The following FGF12 variants were observed in gnomAD, a reference collection of about 807,000 sequenced individuals.
The protein encoded by FGF12 is fibroblast growth factor 12.
FGF12 carries 14 observed loss-of-function variants against 23.6 expected under a neutral mutation model. The observed-to-expected ratio is 0.59, with a 90% confidence interval of 0.39 to 0.93. The LOEUF (loss-of-function observed/expected upper bound fraction) is 0.93. Ranked by LOEUF, FGF12 falls within the 40% of genes least tolerant of loss-of-function variation. FGF12 has a pLI of 0.00. For missense variants in FGF12, 175 were observed against 217.8 expected (o/e 0.80, Z 1.24); for synonymous variants, 62 against 77.3 (o/e 0.80, Z 1.04).
At chr3:192,305,355 T>C (rs1715564899) in intron 4 of FGF12, among the ~76,000 whole-genome samples, 1 of 152,140 alleles carries the variant, frequency 6.6e-6, no homozygotes, top group South Asian at 2.1e-4. Context: ...AAACAAATTT[T>C]TAAACAGAGA....
chr3:192,698,528 T>C (rs1360504879), intron 2 of FGF12, among the ~76,000 whole-genome samples: 1 of 152,112 alleles, frequency 6.6e-6, no homozygotes, highest in Non-Finnish European at 1.5e-5. Context: ...AAATATTTAC[T>C]GAGTGTTAAT....
At chr3:192,507,775 G>C (rs1577026022) in intron 2 of FGF12, among the ~76,000 whole-genome samples, 3 of 152,272 alleles carry the variant, frequency 2.0e-5, no homozygotes, top group Non-Finnish European at 2.9e-5. Context: ...TTAGGAACTG[G>C]AACTACAGGC....
At chr3:192,388,939 C>A (rs550098669) in intron 2 of FGF12, among the ~76,000 whole-genome samples, 1 of 151,804 alleles carries the variant, frequency 6.6e-6, no homozygotes, top group African/African-American at 2.4e-5. Flanking sequence ...GATACTGATG[C>A]CTGTGATACC....
In FGF12 at chr3:192,408,947, G is replaced by A. The variant is rs938783346; in HGVS notation, c.14-48409C>T. On this transcript the variant is annotated intron_variant, in intron 2 of 5. Coordinates refer to ENST00000445105, the MANE Select transcript of FGF12 (RefSeq NM_004113.6). The surrounding 1 kb of genome is among the most constrained non-coding windows in gnomAD (Gnocchi z 7.3). ...CCGGCCACCCGAGTTCTGGAATTCC[G>A]AGAGGCGCGAAGTGGGAGCGGTTAC... The A allele has an allele frequency of 2.3e-5, 23 of 985,174 alleles. No individual in the cohort carries two copies. Among genetic ancestry groups the A allele is most frequent in the Non-Finnish European group, 2.7e-5 (22 of 829,980 alleles). The allele number at this position is 985,174 out of a possible 1,614,324, so 61.0% of individuals were successfully genotyped here. A position where few individuals can be genotyped will look rare whatever the true frequency, so the allele number is the denominator to read the frequency against.
intron 2 of FGF12, among the ~76,000 whole-genome samples, chr3:192,433,995 G>T (rs978018750): frequency 2.0e-5 from 3 of 152,150 alleles, no homozygotes; most frequent in Non-Finnish European, 4.4e-5. Context: ...CCAAAACCAA[G>T]CTAAATGTAT....
intron 2 of FGF12, among the ~76,000 whole-genome samples, chr3:192,466,827 C>A (rs56923731): frequency 0.038 from 5,773 of 152,188 alleles, 369 homozygotes; most frequent in African/African-American, 0.13. Context: ...AAATCCAGAG[C>A]CCCTGGCTTC....
At chr3:192,227,580 T>TAAAAAAAAAAAAAAAAAA (rs778525112) in intron 4 of FGF12, among the ~76,000 whole-genome samples, 1 of 60,278 alleles carries the variant, frequency 1.7e-5, no homozygotes, top group Non-Finnish European at 3.6e-5. Context: ...GAACTTAAAG[T>TAAAAAAAAAAAAAAAAAA]AAAAAAAAAA....
intron 4 of FGF12, among the ~76,000 whole-genome samples, chr3:192,315,905 T>C (rs563501743): frequency 9.2e-5 from 14 of 152,274 alleles, no homozygotes; most frequent in African/African-American, 3.1e-4. Flanking sequence ...CTCTCAAAAA[T>C]TGGTTCACTG....
At chr3:192,193,007 T>A (rs956757824) in intron 4 of FGF12, among the ~76,000 whole-genome samples, 11 of 152,184 alleles carry the variant, frequency 7.2e-5, no homozygotes, top group African/African-American at 2.4e-4. Flanking sequence ...GCTGTAATTG[T>A]CTTTTTGGGA....
chr3:192,400,372 T>TTC (rs1426398103), intron 2 of FGF12, among the ~76,000 whole-genome samples: 1 of 148,724 alleles, frequency 6.7e-6, no homozygotes, highest in East Asian at 2.0e-4. Context: ...TTCTTTTCTT[T>TTC]TTTTTTTTTT....
intron 4 of FGF12, among the ~76,000 whole-genome samples, chr3:192,333,436 C>T (rs1717227977): frequency 6.6e-6 from 1 of 151,744 alleles, no homozygotes; most frequent in Non-Finnish European, 1.5e-5. Flanking sequence ...AATTTTAATT[C>T]TTACATTTAA....
chr3:192,250,205 G>C (rs1442168537), intron 4 of FGF12, among the ~76,000 whole-genome samples: 1 of 152,018 alleles, frequency 6.6e-6, no homozygotes, highest in Non-Finnish European at 1.5e-5. Flanking sequence ...TTCTATTTCT[G>C]TTTATTCTGG....
chr3:192,666,421 T>C (rs536777552), intron 2 of FGF12, among the ~76,000 whole-genome samples: 1 of 152,344 alleles, frequency 6.6e-6, no homozygotes, highest in Non-Finnish European at 1.5e-5. Context: ...CAGGACTTTA[T>C]ACAATCATTT....
chr3:192,704,268 C>A (rs1718395620), intron 2 of FGF12, among the ~76,000 whole-genome samples: 1 of 152,096 alleles, frequency 6.6e-6, no homozygotes, highest in Admixed American at 6.6e-5. Flanking sequence ...TGATCCATAG[C>A]TATAGGATGG....
At chr3:192,344,848 T>C (rs999098119) in intron 3 of FGF12, among the ~76,000 whole-genome samples, 1 of 152,176 alleles carries the variant, frequency 6.6e-6, no homozygotes, top group Non-Finnish European at 1.5e-5. Flanking sequence ...TATTTTTTCA[T>C]TAAGATGAAA....
At chr3:192,667,781 A>G (rs1487928691) in intron 2 of FGF12, among the ~76,000 whole-genome samples, 1 of 152,102 alleles carries the variant, frequency 6.6e-6, no homozygotes, top group Non-Finnish European at 1.5e-5. Context: ...CGGGTATAAC[A>G]GGAGGCGAGA....
intron 2 of FGF12, among the ~76,000 whole-genome samples, chr3:192,567,769 CTTTCTTT>C (rs1712387587): frequency 7.5e-6 from 1 of 133,470 alleles, no homozygotes; most frequent in Non-Finnish European, 1.7e-5. Flanking sequence ...TTCTTTCTTT[CTTTCTTT>C]CTTTCTTTCT....
At chr3:192,586,264 G>C (rs1713370431) in intron 2 of FGF12, among the ~76,000 whole-genome samples, 1 of 152,128 alleles carries the variant, frequency 6.6e-6, no homozygotes, top group Non-Finnish European at 1.5e-5. Flanking sequence ...GAAGCAGACA[G>C]TATATTACCC....
At chr3:192,164,571 TG>T (rs1294891437) in intron 5 of FGF12, among the ~76,000 whole-genome samples, 1 of 152,072 alleles carries the variant, frequency 6.6e-6, no homozygotes, top group Non-Finnish European at 1.5e-5. Flanking sequence ...CCAGCAGGAC[TG>T]GGATAAAGGC....
Sources: allele counts gnomAD v4.1 joint callset (sites outside exome capture counted in the v4.1 genomes callset), GRCh38; gene constraint gnomAD v4.1.1; non-coding constraint Gnocchi (gnomAD v3.1); transcripts MANE v1.5; gene names NCBI Gene and HGNC (gene_info 2026-07-23, HGNC 2026-07-21).